Variants in PLCB1 observed in about 807,000 individuals in gnomAD.
PLCB1 encodes phospholipase C beta 1.
A neutral mutation model predicts 161.8 loss-of-function variants in PLCB1; 46 were observed. That is an observed-to-expected ratio of 0.28 (90% confidence interval 0.22 to 0.36). PLCB1 has a LOEUF of 0.36. Ranked by LOEUF, PLCB1 falls within the 10% of genes least tolerant of loss-of-function variation. The pLI, the probability that PLCB1 is intolerant of heterozygous loss-of-function variation, is 1.00. For missense variants in PLCB1, 1,016 were observed against 1,472.5 expected, an observed-to-expected ratio of 0.69 and a Z score of 5.07; for synonymous variants, 517 against 503.7, an observed-to-expected ratio of 1.03 and a Z score of -0.35.
intron 2 of PLCB1, among the ~76,000 whole-genome samples, chr20:8,191,298 TACAA>T (rs890108687): frequency 7.9e-5 from 12 of 152,172 alleles, no homozygotes; most frequent in African/African-American, 2.9e-4. Context: ...ATTTCAAACT[TACAA>T]ACAATTTGTA....
intron 2 of PLCB1, among the ~76,000 whole-genome samples, chr20:8,161,720 C>T (rs577744949): frequency 6.6e-6 from 1 of 152,094 alleles, no homozygotes; most frequent in African/African-American, 2.4e-5. Flanking sequence ...GACGCTGCTG[C>T]CTGGGCTTCC....
chr20:8,249,235 G>A (rs76945737), intron 2 of PLCB1, among the ~76,000 whole-genome samples: 2 of 151,996 alleles, frequency 1.3e-5, no homozygotes, highest in East Asian at 1.9e-4. Flanking sequence ...TTTCCAAAAC[G>A]CTGTTAGTGG....
rs1457972601 is a variant in PLCB1 at position 8,567,870 on chromosome 20, G to A, written c.247-60424G>A. Among the ~76,000 whole-genome samples the A allele has an allele frequency of 3.9e-5, 6 of 152,152 alleles. No homozygotes were observed. In the East Asian group the frequency reaches 7.7e-4, roughly 20 times the overall value. ...TTTAAAGACATGACTTAGAAATTGCGACTTAGCAACTAAAGCTGTGACTTT... is the reference window on the plus strand; with the variant it reads ...TTTAAAGACATGACTTAGAAATTGCAACTTAGCAACTAAAGCTGTGACTTT... On this transcript the variant is annotated intron_variant, in intron 3 of 31. Coordinates refer to ENST00000338037, the MANE Select transcript of PLCB1 (RefSeq NM_015192.4).
intron 3 of PLCB1, among the ~76,000 whole-genome samples, chr20:8,526,228 C>A (rs1984580829): frequency 6.6e-6 from 1 of 152,036 alleles, no homozygotes; most frequent in East Asian, 1.9e-4. Flanking sequence ...AAAGGTTGGA[C>A]TCCTATGTTC....
chr20:8,629,549 G>A (rs1166449975), intron 4 of PLCB1, among the ~76,000 whole-genome samples: 1 of 152,160 alleles, frequency 6.6e-6, no homozygotes, highest in African/African-American at 2.4e-5. Context: ...TAAAATACTA[G>A]TGATAGTCCT....
chr20:8,588,140 G>A lies in PLCB1; in HGVS notation c.247-40154G>A, dbSNP rs143329434. On this transcript the variant is annotated intron_variant, in intron 3 of 31. Transcript: ENST00000338037. ...TTATTGAATATATACTTCGTGTAAG[G>A]CTCTGCACTGGGAATTATAGAGAAG... is the stretch of plus-strand genomic sequence containing the variant. Among the ~76,000 whole-genome samples the A allele has an allele frequency of 7.3e-3, 1,110 of 152,246 alleles. 19 individuals carry two copies. Among genetic ancestry groups the A allele is most frequent in the African/African-American group, 0.026 (1,073 of 41,534 alleles).
At chr20:8,395,789 G>A (rs1987752960) in intron 3 of PLCB1, among the ~76,000 whole-genome samples, 1 of 151,692 alleles carries the variant, frequency 6.6e-6, no homozygotes, top group Admixed American at 6.6e-5. Flanking sequence ...ATACTGTGAA[G>A]GTGTGACTAG....
intron 3 of PLCB1, among the ~76,000 whole-genome samples, chr20:8,444,408 A>G (rs1980717372): frequency 6.6e-6 from 1 of 152,210 alleles, no homozygotes; most frequent in African/African-American, 2.4e-5. Flanking sequence ...ATAGTATTCC[A>G]TGGTGTATAT....
chr20:8,765,005 G>A (rs1387951926), intron 25 of PLCB1, 134 bp from the exon 26 acceptor site: 5 of 678,372 alleles, frequency 7.4e-6, no homozygotes, highest in Non-Finnish European at 1.3e-5. Context: ...CCCAGGTAGA[G>A]CTGACATCAA....
intron 3 of PLCB1, among the ~76,000 whole-genome samples, chr20:8,373,072 CAGTAG>C (rs1256742035): frequency 6.6e-6 from 1 of 152,154 alleles, no homozygotes; most frequent in Non-Finnish European, 1.5e-5. Context: ...AAATGAACAG[CAGTAG>C]GGCCTGTACT....
At chr20:8,691,266 A>G (rs1990472595) in intron 10 of PLCB1, among the ~76,000 whole-genome samples, 1 of 152,258 alleles carries the variant, frequency 6.6e-6, no homozygotes, top group East Asian at 1.9e-4. Flanking sequence ...ATAAAAATAT[A>G]ACCAATGCCT....
chr20:8,153,612 T>A (rs927317263), intron 2 of PLCB1, among the ~76,000 whole-genome samples: 2 of 151,984 alleles, frequency 1.3e-5, no homozygotes, highest in African/African-American at 4.8e-5. Flanking sequence ...AGTGTCAATG[T>A]TAAAGAGCTA....
chr20:8,573,413 A>G (rs999028513), intron 3 of PLCB1, among the ~76,000 whole-genome samples: 5 of 152,226 alleles, frequency 3.3e-5, no homozygotes, highest in African/African-American at 1.2e-4. Context: ...AGGATGGGGT[A>G]TCAAGGGAAT....
intron 3 of PLCB1, among the ~76,000 whole-genome samples, chr20:8,502,411 AG>A (rs1314632798): frequency 1.3e-5 from 2 of 152,188 alleles, no homozygotes; most frequent in African/African-American, 4.8e-5. Context: ...ACATGTTTAC[AG>A]CTTGAAATCT....
intron 3 of PLCB1, among the ~76,000 whole-genome samples, chr20:8,425,188 G>A (rs931431124): frequency 6.7e-6 from 1 of 148,502 alleles, no homozygotes; most frequent in African/African-American, 2.5e-5. Context: ...TTCTGTCCTT[G>A]GCTGCTTTTT....
At chr20:8,223,376 C>T (rs902849309) in intron 2 of PLCB1, among the ~76,000 whole-genome samples, 1 of 152,120 alleles carries the variant, frequency 6.6e-6, no homozygotes, top group Non-Finnish European at 1.5e-5. Context: ...CAAGCCAGCC[C>T]TTTGGAGGAA....
chr20:8,736,813 T>A, intron 19 of PLCB1, among the ~76,000 whole-genome samples: 1 of 152,172 alleles, frequency 6.6e-6, no homozygotes, highest in East Asian at 1.9e-4. Flanking sequence ...AGGATTACAA[T>A]TCAACATGAG....
chr20:8,159,596 C>T (rs1208400940), intron 2 of PLCB1, among the ~76,000 whole-genome samples: 1 of 152,186 alleles, frequency 6.6e-6, no homozygotes. Flanking sequence ...CATTGTCAGG[C>T]TGCAAATTTT....
At chr20:8,155,493 T>G (rs531580135) in intron 2 of PLCB1, among the ~76,000 whole-genome samples, 1 of 152,342 alleles carries the variant, frequency 6.6e-6, no homozygotes, top group Non-Finnish European at 1.5e-5. Context: ...GTTAAATATT[T>G]ACATAAGTCA....
Sources: allele counts gnomAD v4.1 joint callset (sites outside exome capture counted in the v4.1 genomes callset), GRCh38; gene constraint gnomAD v4.1.1; transcripts MANE v1.5; gene names NCBI Gene and HGNC (gene_info 2026-07-23, HGNC 2026-07-21).